The following LMO2 variants were observed in gnomAD, a reference collection of about 807,000 sequenced individuals.
The protein encoded by LMO2 is LIM domain only 2, also known as rhombotin-2.
Under a neutral mutation model 23.2 loss-of-function variants are expected in LMO2, and 20 were observed. The observed-to-expected ratio is 0.86, with a 90% CI of 0.61 to 1.25. The LOEUF is 1.25. Among genes scored for constraint, LMO2 ranks in the 50% most tolerant of loss-of-function variants. The pLI, the probability that LMO2 is intolerant of heterozygous loss-of-function variation, is 0.00. For missense variants in LMO2, 270 were observed against 315.3 expected, an observed-to-expected ratio of 0.86 and a Z score of 1.09; for synonymous variants, 123 against 130.2, an observed-to-expected ratio of 0.94 and a Z score of 0.38.
chr11:33,867,460 A>G (rs999894822), intron 4 of LMO2, among the ~76,000 whole-genome samples: 5 of 152,234 alleles, frequency 3.3e-5, no homozygotes, highest in Admixed American at 6.5e-5. Context: ...TTAGTGGACA[A>G]TCCAAGACAA....
At chr11:33,886,577 C>A (rs188260980) in intron 1 of LMO2, among the ~76,000 whole-genome samples, 2 of 152,260 alleles carry the variant, frequency 1.3e-5, no homozygotes, top group Admixed American at 1.3e-4. Context: ...CTATAAAAAA[C>A]CTAAAGGTTT....
intron 4 of LMO2, 38 bp downstream of exon 4, chr11:33,869,308 G>T: frequency 8.7e-7 from 1 of 1,146,472 alleles, no homozygotes. Flanking sequence ...CGAGGCCGTG[G>T]ACACCGGGGG....
Position 33,859,409 on chromosome 11 carries a change from T to C in LMO2, c.631A>G (p.Ile211Val), listed in dbSNP as rs749889163. ...TCGTAGATGTCCTGTTCGCACACTA[T>C]GTCAGAGTTGATGAGGAGGTATCTG... ...GDRYLLINSD[I>V]VCEQDIYEWT... The change falls in exon 6 of 6, where the codon ATA becomes GTA. Residue 211 changes from isoleucine to valine, a missense_variant. By Grantham distance (29) the Ile-to-Val change is conservative. Around this residue, in one of 2 missense-constraint regions of LMO2, gnomAD observed 100 missense variants for 153.3 expected, o/e 0.65. Transcript: ENST00000257818. 3.1e-6 allele frequency: 5 copies of C among 1,614,150 alleles called. No individual in the cohort carries two copies. The highest frequency in any genetic ancestry group is 3.4e-6 in the Non-Finnish European group (4 of 1,180,012).
rs2038603 is a variant in LMO2, at chr11:33,864,870, C to T, written c.249-53G>A. 8,166 of 1,540,072 alleles carry T rather than the reference C, an allele frequency of 5.3e-3. 381 individuals carry two copies. The African/African-American group carries it at 0.096, about 18-fold the overall frequency. On this transcript the variant is annotated intron_variant, in intron 4 of 5. Transcript: ENST00000257818. The surrounding 1 kb of genome is among the most constrained non-coding windows in gnomAD (Gnocchi z 4.8). ...AGCCTCACCAGAGTGAGACCAGCAC[C>T]GAGGGTCCGAGATCGTTTTGGGCCA...
chr11:33,870,451 T>A, intron 2 of LMO2: 1 of 985,972 alleles, frequency 1.0e-6, no homozygotes, highest in Non-Finnish European at 1.2e-6. Context: ...CTCTGCGGGC[T>A]GCGGGCTACG....
chr11:33,863,095 G>T (rs1461960608), intron 5 of LMO2, among the ~76,000 whole-genome samples: 1 of 152,114 alleles, frequency 6.6e-6, no homozygotes, highest in Admixed American at 6.6e-5. Context: ...CAGTTAATAA[G>T]ATTCAAATGA....
chr11:33,870,321 C>G, intron 2 of LMO2: 3 of 973,144 alleles, frequency 3.1e-6, no homozygotes, highest in Non-Finnish European at 3.7e-6. Context: ...CAAGAAAAGA[C>G]AAGAATGTGA....
chr11:33,873,772 A>G (rs142014690), intron 2 of LMO2, among the ~76,000 whole-genome samples: 1 of 152,288 alleles, frequency 6.6e-6, no homozygotes, highest in Non-Finnish European at 1.5e-5. Context: ...ATCAATCTAC[A>G]CGATGGCTCT....
intron 2 of LMO2, among the ~76,000 whole-genome samples, chr11:33,874,257 G>A (rs536540257): frequency 1.3e-5 from 2 of 152,202 alleles, no homozygotes; most frequent in African/African-American, 2.4e-5. Flanking sequence ...AAACAGATTC[G>A]GTTTTCTATA....
At chr11:33,888,502 G>A (rs866692114) in intron 1 of LMO2, among the ~76,000 whole-genome samples, 1 of 151,998 alleles carries the variant, frequency 6.6e-6, no homozygotes, top group Non-Finnish European at 1.5e-5. Flanking sequence ...ATCCACACAG[G>A]ACCCCTTGTC....
intron 3 of LMO2, 58 bp downstream of exon 3, chr11:33,869,652 C>T: frequency 3.2e-6 from 4 of 1,259,154 alleles, no homozygotes; most frequent in Non-Finnish European, 4.0e-6. Flanking sequence ...AGGCGGGGGC[C>T]GGGGCGCGCA....
At chr11:33,873,163 T>A (rs1261551990) in intron 2 of LMO2, among the ~76,000 whole-genome samples, 2 of 152,222 alleles carry the variant, frequency 1.3e-5, no homozygotes, top group African/African-American at 4.8e-5. Flanking sequence ...ATCCTTGGGT[T>A]CCAAGAGGTA....
intron 2 of LMO2, among the ~76,000 whole-genome samples, chr11:33,872,959 C>T (rs1215849867): frequency 6.6e-6 from 1 of 152,150 alleles, no homozygotes; most frequent in Non-Finnish European, 1.5e-5. Flanking sequence ...GACGGGGTTT[C>T]ACCATGTTGG....
At position 33,858,611 on chromosome 11, in the gene LMO2, G is replaced by GCTT. The variant is rs1554954345; in HGVS notation, c.*744_*745insAAG. 6 of 175,234 alleles carry GCTT rather than the reference G, an allele frequency of 3.4e-5. No homozygotes were observed. The Admixed American group carries it at 3.8e-4, about 11-fold the overall frequency. The allele number at this position is 175,234 out of a possible 1,614,324, so 10.9% of individuals were successfully genotyped here. On this transcript the variant is annotated 3_prime_UTR_variant, in exon 6 of 6. Transcript: ENST00000257818. ...TCATTTTTATTAAGCCTGCAGAGCT[G>GCTT]TTTTTTTTTCTACACACGACAAATA...
chr11:33,885,729 G>A (rs1857389864), intron 1 of LMO2, among the ~76,000 whole-genome samples: 1 of 152,198 alleles, frequency 6.6e-6, no homozygotes, highest in African/African-American at 2.4e-5. Flanking sequence ...TGCTGATTGA[G>A]GGATCCCCCA....
At chr11:33,879,621 G>A (rs762379364) in intron 2 of LMO2, among the ~76,000 whole-genome samples, 1 of 152,126 alleles carries the variant, frequency 6.6e-6, no homozygotes, top group East Asian at 1.9e-4. Flanking sequence ...CCAAGATCAC[G>A]CTTCCAACCT....
At chr11:33,873,675 C>T (rs543890475) in intron 2 of LMO2, among the ~76,000 whole-genome samples, 2 of 152,258 alleles carry the variant, frequency 1.3e-5, no homozygotes, top group South Asian at 4.1e-4. Context: ...TTCCCTTTCC[C>T]CCAATTCCTT....
chr11:33,869,933 G>T lies in LMO2; in HGVS notation c.-217C>A. 1 of 1,048,830 alleles carries T rather than the reference G, an allele frequency of 9.5e-7. No individual in the cohort carries two copies. The highest frequency in any genetic ancestry group is 1.1e-6 in the Non-Finnish European group (1 of 870,362). The allele number at this position is 1,048,830 out of a possible 1,614,324, so 65.0% of individuals were successfully genotyped here. ...CTCTCTCCGGGCTTCCTCCTCTCTC[G>T]GGAAGGTCTATTTTCGCTCAGCTTC... is the stretch of plus-strand genomic sequence containing the variant. On this transcript the variant is annotated 5_prime_UTR_variant, in exon 3 of 6. Transcript: ENST00000257818.
intron 5 of LMO2, among the ~76,000 whole-genome samples, chr11:33,862,835 A>T (rs2133687838): frequency 6.6e-6 from 1 of 152,344 alleles, no homozygotes; most frequent in South Asian, 2.1e-4. Flanking sequence ...ATGGCTGGAA[A>T]TGCCTGCACT....
Sources: allele counts gnomAD v4.1 joint callset (sites outside exome capture counted in the v4.1 genomes callset), GRCh38; gene constraint gnomAD v4.1.1; regional missense constraint gnomAD v4.1.1; non-coding constraint Gnocchi (gnomAD v3.1); transcripts MANE v1.5; gene names NCBI Gene and HGNC (gene_info 2026-07-23, HGNC 2026-07-21).